HCN1: variants seen among roughly 807,000 people sequenced by gnomAD.
HCN1 encodes the protein potassium/sodium hyperpolarization-activated cyclic nucleotide-gated channel 1.
Under a neutral mutation model 78.9 loss-of-function variants are expected in HCN1, and 13 were observed. The observed-to-expected ratio is 0.16, with a 90% CI of 0.11 to 0.26. HCN1 has a LOEUF of 0.26. Among genes scored for constraint, HCN1 ranks in the 10% least tolerant of loss-of-function variants. The probability of loss-of-function intolerance (pLI) is 1.00; values close to 1 mark genes in which losing one functional copy is unlikely to be tolerated. For synonymous variants in HCN1, 552 were observed against 455.5 expected, an observed-to-expected ratio of 1.21 and a Z score of -2.70; for missense variants, 810 against 1,154.3, an observed-to-expected ratio of 0.70 and a Z score of 4.32.
chr5:45,265,076 G>C (rs1050810125), intron 7 of HCN1, among the ~76,000 whole-genome samples: 22 of 152,028 alleles, frequency 1.4e-4, no homozygotes, highest in African/African-American at 5.1e-4. Context: ...TGCAGTCCCA[G>C]CTACTCAGGA....
At chr5:45,695,642 G>A in intron 1 of HCN1, 27 bp downstream of exon 1, 2 of 1,606,056 alleles carry the variant, frequency 1.2e-6, no homozygotes, top group Non-Finnish European at 1.7e-6. Context: ...CTGAAGGGAG[G>A]GTGGGGCGGC....
chr5:45,382,902 G>C (rs1747837500), intron 4 of HCN1, among the ~76,000 whole-genome samples: 2 of 152,078 alleles, frequency 1.3e-5, no homozygotes, highest in Admixed American at 1.3e-4. Context: ...TGTTAGGAAA[G>C]GAAAATTTGG....
At chr5:45,576,992 GTC>G (rs1345564327) in intron 2 of HCN1, among the ~76,000 whole-genome samples, 1 of 151,928 alleles carries the variant, frequency 6.6e-6, no homozygotes, top group African/African-American at 2.4e-5. Context: ...TGTTTTTGAT[GTC>G]TCTGTACCAA....
At chr5:45,582,440 T>C (rs1416463744) in intron 2 of HCN1, among the ~76,000 whole-genome samples, 4 of 152,208 alleles carry the variant, frequency 2.6e-5, no homozygotes, top group Non-Finnish European at 5.9e-5. Context: ...TGGGGTTTTC[T>C]AGATATACAA....
chr5:45,529,628 G>A (rs539246658), intron 2 of HCN1, among the ~76,000 whole-genome samples: 2 of 151,762 alleles, frequency 1.3e-5, no homozygotes, highest in East Asian at 1.9e-4. Context: ...TGTCTTTGGC[G>A]GAATACCAAA....
intron 1 of HCN1, among the ~76,000 whole-genome samples, chr5:45,666,406 T>G (rs897096956): frequency 2.6e-5 from 4 of 152,036 alleles, no homozygotes; most frequent in Non-Finnish European, 4.4e-5. Flanking sequence ...AAGCTACCCC[T>G]TGATACTTCT....
At chr5:45,449,278 C>G (rs1348129301) in intron 3 of HCN1, among the ~76,000 whole-genome samples, 1 of 152,152 alleles carries the variant, frequency 6.6e-6, no homozygotes, top group Non-Finnish European at 1.5e-5. Flanking sequence ...GTAGAGGAAT[C>G]TAAATAATCT....
intron 3 of HCN1, among the ~76,000 whole-genome samples, chr5:45,424,422 T>C (rs981517082): frequency 2.0e-5 from 3 of 152,112 alleles, no homozygotes; most frequent in African/African-American, 7.2e-5. Flanking sequence ...TGAAATCAAG[T>C]CCTAATAATT....
At chr5:45,584,229 T>A (rs888160071) in intron 2 of HCN1, among the ~76,000 whole-genome samples, 5 of 152,156 alleles carry the variant, frequency 3.3e-5, no homozygotes, top group African/African-American at 9.7e-5. Flanking sequence ...TGGGTGCATA[T>A]ATATTTAGGA....
chr5:45,692,256 G>A (rs1232661273), intron 1 of HCN1, among the ~76,000 whole-genome samples: 8 of 152,152 alleles, frequency 5.3e-5, no homozygotes, highest in Non-Finnish European at 1.2e-4. Context: ...GAAGCACAAT[G>A]CTTGCCAAGC....
At chr5:45,519,429 C>T (rs943799613) in intron 2 of HCN1, among the ~76,000 whole-genome samples, 7 of 151,792 alleles carry the variant, frequency 4.6e-5, no homozygotes, top group Non-Finnish European at 8.8e-5. Context: ...TAGATAAGTC[C>T]GAAAAGTAGG....
At chr5:45,448,459 G>A (rs970874407) in intron 3 of HCN1, among the ~76,000 whole-genome samples, 4 of 152,078 alleles carry the variant, frequency 2.6e-5, no homozygotes, top group African/African-American at 7.2e-5. Context: ...TCACTTCCTG[G>A]TCCTTGCTCC....
intron 1 of HCN1, among the ~76,000 whole-genome samples, chr5:45,655,128 G>A (rs1459452422): frequency 6.6e-6 from 1 of 152,062 alleles, no homozygotes; most frequent in South Asian, 2.1e-4. Context: ...AAATGTTCAC[G>A]TTTTATGGAA....
In HCN1 at chr5:45,390,607, C is replaced by T. The variant is rs1002223526; in HGVS notation, c.1230+5885G>A. On this transcript the variant is annotated intron_variant, in intron 4 of 7. Transcript: ENST00000303230. The stretch of plus-strand genomic sequence containing the variant: ...GAATATCTACAATATACATGTAGGG[C>T]ATTCCAGCATATAACTTAGAGCATT... Among the ~76,000 whole-genome samples the T allele has an allele frequency of 8.5e-5, 13 of 152,228 alleles. 1 individual carries two copies. In the South Asian group the frequency reaches 1.0e-3, roughly 12 times the overall value.
chr5:45,392,234 C>T (rs1739581367), intron 4 of HCN1, among the ~76,000 whole-genome samples: 1 of 151,884 alleles, frequency 6.6e-6, no homozygotes, highest in South Asian at 2.1e-4. Context: ...TTAGCTTACA[C>T]AAATTTGAAA....
chr5:45,293,077 T>C (rs1312727008), intron 6 of HCN1, among the ~76,000 whole-genome samples: 5 of 152,052 alleles, frequency 3.3e-5, no homozygotes, highest in African/African-American at 1.2e-4. Context: ...TGTGTCTTTA[T>C]AACAGAACAA....
At chr5:45,355,122 T>G (rs1746983249) in intron 4 of HCN1, among the ~76,000 whole-genome samples, 1 of 152,048 alleles carries the variant, frequency 6.6e-6, no homozygotes, top group South Asian at 2.1e-4. Context: ...CCAGATCTCA[T>G]TTATGAATCA....
intron 2 of HCN1, among the ~76,000 whole-genome samples, chr5:45,583,242 G>A (rs560428174): frequency 8.5e-5 from 13 of 152,216 alleles, no homozygotes; most frequent in African/African-American, 3.1e-4. Context: ...CTTCTTACTG[G>A]TTTAGTCTTG....
At chr5:45,456,062 A>G (rs1286479421) in intron 3 of HCN1, among the ~76,000 whole-genome samples, 1 of 151,954 alleles carries the variant, frequency 6.6e-6, no homozygotes, top group Non-Finnish European at 1.5e-5. Context: ...GACATTTTTT[A>G]TATCAGTTTT....
Sources: allele counts gnomAD v4.1 joint callset (sites outside exome capture counted in the v4.1 genomes callset), GRCh38; gene constraint gnomAD v4.1.1; transcripts MANE v1.5; gene names NCBI Gene and HGNC (gene_info 2026-07-23, HGNC 2026-07-21).